The following FBXL7 variants were observed in gnomAD, a reference collection of about 807,000 sequenced individuals.
FBXL7 encodes the protein F-box/LRR-repeat protein 7.
A neutral mutation model predicts 38.3 loss-of-function variants in FBXL7; 12 were observed. The ratio of observed to expected loss-of-function variants is 0.31; its 90% CI spans 0.20 to 0.51. The LOEUF (loss-of-function observed/expected upper bound fraction) is 0.51, where lower values mean the gene tolerates loss of function less well. FBXL7 is among the 20% of genes least tolerant of loss of function. The probability of loss-of-function intolerance (pLI) is 0.98; values close to 1 mark genes in which losing one functional copy is unlikely to be tolerated. For missense variants in FBXL7, 567 were observed against 676.4 expected (o/e 0.84, Z 1.79); for synonymous variants, 297 against 300.9 (o/e 0.99, Z 0.13).
At chr5:15,598,843 G>T (rs1739706017) in intron 1 of FBXL7, among the ~76,000 whole-genome samples, 1 of 152,126 alleles carries the variant, frequency 6.6e-6, no homozygotes, top group Non-Finnish European at 1.5e-5. Flanking sequence ...AGGGTAAATA[G>T]AGCTCCTTGA....
At chr5:15,919,201 G>A (rs971205954) in intron 2 of FBXL7, among the ~76,000 whole-genome samples, 4 of 152,136 alleles carry the variant, frequency 2.6e-5, no homozygotes, top group African/African-American at 4.8e-5. Context: ...GAGGAGCTTT[G>A]TAAATTTTGA....
At chr5:15,790,965 C>A (rs1220286348) in intron 2 of FBXL7, among the ~76,000 whole-genome samples, 1 of 151,728 alleles carries the variant, frequency 6.6e-6, no homozygotes, top group Admixed American at 6.6e-5. Context: ...TCCGTGAGTA[C>A]CAGTGCCCTT....
At chr5:15,849,933 G>T (rs942380136) in intron 2 of FBXL7, among the ~76,000 whole-genome samples, 3 of 152,094 alleles carry the variant, frequency 2.0e-5, no homozygotes, top group Admixed American at 2.0e-4. Flanking sequence ...CCATTATACA[G>T]ATGAGAAAAC....
At chr5:15,549,434 A>C (rs1005952751) in intron 1 of FBXL7, among the ~76,000 whole-genome samples, 1 of 152,132 alleles carries the variant, frequency 6.6e-6, no homozygotes, top group African/African-American at 2.4e-5. Flanking sequence ...TTAGTAAATT[A>C]CATCACGTGG....
intron 2 of FBXL7, among the ~76,000 whole-genome samples, chr5:15,692,475 T>G (rs1743213548): frequency 6.6e-6 from 1 of 152,226 alleles, no homozygotes; most frequent in South Asian, 2.1e-4. Context: ...TCATTTAATA[T>G]CTTTGCTTGC....
chr5:15,734,296 C>T (rs550563174), intron 2 of FBXL7, among the ~76,000 whole-genome samples: 6 of 152,310 alleles, frequency 3.9e-5, no homozygotes, highest in African/African-American at 9.6e-5. Flanking sequence ...TGATGCTGTA[C>T]GCCGTCTCTT....
chr5:15,745,550 A>C (rs1735992528), intron 2 of FBXL7, among the ~76,000 whole-genome samples: 1 of 152,176 alleles, frequency 6.6e-6, no homozygotes, highest in Non-Finnish European at 1.5e-5. Flanking sequence ...ATGATTAAGG[A>C]GGTGACTCAG....
chr5:15,696,551 A>T (rs1386101157), intron 2 of FBXL7, among the ~76,000 whole-genome samples: 1 of 152,182 alleles, frequency 6.6e-6, no homozygotes, highest in African/African-American at 2.4e-5. Flanking sequence ...GAATTCTCCC[A>T]TTATAATCAT....
In FBXL7 at chr5:15,882,938, A is replaced by G. The variant is rs536464301; in HGVS notation, c.128-44952A>G. On this transcript the variant is annotated intron_variant, in intron 2 of 3. Transcript: ENST00000504595. The stretch of plus-strand genomic sequence containing the variant: ...ATTGCAGGGATTATAAATTAAATGT[A>G]TTTTCTGATATATCACTTTAATCAT... 2.8e-3 allele frequency among the ~76,000 whole-genome samples: 416 copies of G among 146,114 alleles called. 3 individuals are homozygous for G. Among genetic ancestry groups the G allele is most frequent in the African/African-American group, 9.9e-3 (387 of 39,066 alleles).
At chr5:15,532,767 G>A (rs1192481631) in intron 1 of FBXL7, among the ~76,000 whole-genome samples, 2 of 152,208 alleles carry the variant, frequency 1.3e-5, no homozygotes, top group Non-Finnish European at 2.9e-5. Flanking sequence ...GAAAATCCGA[G>A]TTAAAGAACA....
At chr5:15,922,393 CT>C (rs1024116819) in intron 2 of FBXL7, among the ~76,000 whole-genome samples, 27 of 152,036 alleles carry the variant, frequency 1.8e-4, no homozygotes, top group African/African-American at 6.3e-4. Context: ...TGATCAAGAG[CT>C]TTTTATGTAT....
intron 2 of FBXL7, among the ~76,000 whole-genome samples, chr5:15,666,572 C>G (rs927523792): frequency 6.6e-6 from 1 of 152,156 alleles, no homozygotes; most frequent in African/African-American, 2.4e-5. Context: ...CGTTTTTTGA[C>G]AATCATATCA....
intron 2 of FBXL7, among the ~76,000 whole-genome samples, chr5:15,812,215 T>C (rs1214932585): frequency 1.3e-5 from 2 of 152,112 alleles, no homozygotes; most frequent in Non-Finnish European, 2.9e-5. Context: ...GAAACCATCA[T>C]TCTCAGCAAA....
chr5:15,586,919 A>G (rs1365369823), intron 1 of FBXL7, among the ~76,000 whole-genome samples: 1 of 152,240 alleles, frequency 6.6e-6, no homozygotes, highest in Non-Finnish European at 1.5e-5. Context: ...ACAGACCTTT[A>G]GGGAGATTTC....
intron 1 of FBXL7, among the ~76,000 whole-genome samples, chr5:15,604,002 G>C (rs866286378): frequency 1.3e-5 from 2 of 152,130 alleles, no homozygotes; most frequent in South Asian, 2.1e-4. Flanking sequence ...CTGGGCATAA[G>C]GTGCATGCCT....
chr5:15,769,549 C>T (rs1197277962), intron 2 of FBXL7, among the ~76,000 whole-genome samples: 1 of 152,208 alleles, frequency 6.6e-6, no homozygotes, highest in Non-Finnish European at 1.5e-5. Context: ...ATCCTCCTGG[C>T]ACCACATGGT....
chr5:15,568,149 CTAGATCCCTG>C, intron 1 of FBXL7, among the ~76,000 whole-genome samples: 1 of 152,134 alleles, frequency 6.6e-6, no homozygotes, highest in South Asian at 2.1e-4. Flanking sequence ...ATTTCTAGTT[CTAGATCCCTG>C]AGGAATCGCC....
chr5:15,874,018 C>T (rs570350484), intron 2 of FBXL7, among the ~76,000 whole-genome samples: 1 of 152,268 alleles, frequency 6.6e-6, no homozygotes, highest in South Asian at 2.1e-4. Context: ...CGAAAATACC[C>T]AATAAAATAC....
intron 2 of FBXL7, among the ~76,000 whole-genome samples, chr5:15,915,159 T>C (rs1361644619): frequency 6.6e-6 from 1 of 152,224 alleles, no homozygotes; most frequent in Non-Finnish European, 1.5e-5. Flanking sequence ...AAATGGATTT[T>C]GTTCCCTGGG....
Sources: gnomAD v4.1 joint callset for allele counts (sites outside exome capture counted in the v4.1 genomes callset) on GRCh38, gnomAD v4.1.1 for gene constraint, MANE v1.5 for transcripts, NCBI Gene and HGNC (gene_info 2026-07-23, HGNC 2026-07-21) for gene names.